The following DUXA variants were observed in gnomAD, a reference collection of about 807,000 sequenced individuals.
DUXA encodes the protein double homeobox A, also known as double homeobox protein A.
In DUXA, 25 loss-of-function variants were observed where a neutral mutation model predicts 27.5. The ratio of observed to expected loss-of-function variants is 0.91; its 90% CI spans 0.66 to 1.27. DUXA has a LOEUF of 1.27. Ranked by LOEUF, DUXA falls within the 50% of genes most tolerant of loss-of-function variation. The probability of loss-of-function intolerance (pLI) is 0.00; values close to 1 mark genes in which losing one functional copy is unlikely to be tolerated. For synonymous variants in DUXA, 90 were observed against 80.5 expected (o/e 1.12, Z -0.63); for missense variants, 247 against 242.9 (o/e 1.02, Z -0.11).
chr19:57,162,627 T>A (rs1382363432), intron 1 of DUXA, among the ~76,000 whole-genome samples: 2 of 152,010 alleles, frequency 1.3e-5, no homozygotes, highest in Admixed American at 1.3e-4. Context: ...CAGGCTGGAG[T>A]GCAATGGTGC....
At chr19:57,160,876 A>C in intron 1 of DUXA, 79 bp from the exon 2 acceptor site, 2 of 1,521,848 alleles carry the variant, frequency 1.3e-6, no homozygotes, top group Non-Finnish European at 1.8e-6. Flanking sequence ...CTAGTCTCTC[A>C]CTTCCTCTTC....
intron 3 of DUXA, 45 bp downstream of exon 3, chr19:57,159,122 C>T (rs770095293): frequency 1.8e-5 from 28 of 1,551,950 alleles, no homozygotes; most frequent in Middle Eastern, 3.7e-4. Context: ...TTGGCTCCGC[C>T]GTAGAGAAGC....
At chr19:57,161,416 G>T (rs902699805) in intron 1 of DUXA, among the ~76,000 whole-genome samples, 57 of 148,474 alleles carry the variant, frequency 3.8e-4, no homozygotes, top group Admixed American at 3.5e-3. Flanking sequence ...AAGGTCAGGA[G>T]ATCGAGACCA....
chr19:57,155,503 G>T, intron 4 of DUXA, 131 bp from the exon 5 acceptor site: 1 of 677,522 alleles, frequency 1.5e-6, no homozygotes, highest in Non-Finnish European at 2.5e-6. Context: ...TGCCACAGCT[G>T]TGCATCATCA....
At chr19:57,164,710 A>G (rs1215733591) in intron 1 of DUXA, among the ~76,000 whole-genome samples, 1 of 152,228 alleles carries the variant, frequency 6.6e-6, no homozygotes, top group Non-Finnish European at 1.5e-5. Context: ...TTATGCTAGC[A>G]ATTCAAATAA....
intron 4 of DUXA, among the ~76,000 whole-genome samples, chr19:57,157,495 T>C (rs915985502): frequency 3.3e-5 from 5 of 151,702 alleles, no homozygotes; most frequent in Non-Finnish European, 7.4e-5. Context: ...CCGTGCCCGG[T>C]TAATTTTTGT....
At chr19:57,161,877 A>T (rs1337275050) in intron 1 of DUXA, among the ~76,000 whole-genome samples, 2 of 151,780 alleles carry the variant, frequency 1.3e-5, no homozygotes, top group African/African-American at 4.8e-5. Context: ...TTTTATTGGC[A>T]TATATTTTAT....
rs890577317 is a variant in DUXA at position 57,159,361 on chromosome 19, C to A, written c.181-83G>T. On this transcript the variant is annotated intron_variant, in intron 2 of 5. Coordinates refer to ENST00000554048, the MANE Select transcript of DUXA (RefSeq NM_001012729.2). ...CTGCCTGTTCCCAAAGTGAGCAATT[C>A]TTATTGGGCCTAGGCCCAGGATTAT... 2.4e-6 allele frequency: 3 copies of A among 1,231,334 alleles called. No homozygotes were observed. The African/African-American group carries it at 4.5e-5, about 18-fold the overall frequency. 76.3% of individuals were successfully genotyped at this position (1,231,334 alleles called of 1,614,324 possible).
chr19:57,154,989 T>C (rs971728407), intron 5 of DUXA, among the ~76,000 whole-genome samples: 2 of 152,348 alleles, frequency 1.3e-5, no homozygotes, highest in African/African-American at 4.8e-5. Flanking sequence ...CAGAAGTGTA[T>C]TGAGCGTTTC....
rs765445205 is a variant in DUXA at position 57,154,390 on chromosome 19, A to G, written c.*22T>C. On this transcript the variant is annotated 3_prime_UTR_variant, in exon 6 of 6. Transcript: ENST00000554048. ...ATTTGGGGTCCAGTTGATATTATCA[A>G]GTACACTGAATTTGACTGTGTTCAC... The G allele has an allele frequency of 1.5e-5, 24 of 1,608,348 alleles. No individual in the cohort carries two copies. The highest frequency in any genetic ancestry group is 2.0e-5 in the Non-Finnish European group (23 of 1,175,190).
At chr19:57,161,437 C>A (rs557030463) in intron 1 of DUXA, among the ~76,000 whole-genome samples, 1 of 148,062 alleles carries the variant, frequency 6.8e-6, no homozygotes, top group Admixed American at 6.7e-5. Flanking sequence ...TCCTGGCTAA[C>A]ATGATGAAAC....
intron 1 of DUXA, among the ~76,000 whole-genome samples, chr19:57,165,322 A>ATATATATATATATATATATGTATATAT (rs1484903570): frequency 1.1e-5 from 1 of 89,106 alleles, no homozygotes; most frequent in Non-Finnish European, 2.4e-5. Flanking sequence ...AAAAAAAAAA[A>ATATATATATATATATATATGTATATAT]AAATATATAT....
At chr19:57,155,667 A>AGATAGATAGATAGATAGAT (rs1488013654) in intron 4 of DUXA, among the ~76,000 whole-genome samples, 1 of 151,656 alleles carries the variant, frequency 6.6e-6, no homozygotes, top group Non-Finnish European at 1.5e-5. Flanking sequence ...ATAGATAGAT[A>AGATAGATAGATAGATAGAT]GATAGATACT....
intron 4 of DUXA, 90 bp from the exon 5 acceptor site, chr19:57,155,462 T>G (rs2086988234): frequency 3.8e-6 from 4 of 1,049,912 alleles, no homozygotes; most frequent in Non-Finnish European, 5.7e-6. Context: ...TTTCTGTTTT[T>G]TGAGACAGCG....
At position 57,158,415 on chromosome 19, in the gene DUXA, G is replaced by T. The variant is rs2087003140; in HGVS notation, c.351C>A (p.Ile117=). Residue 117 remains isoleucine (I), a synonymous_variant, in exon 4 of 6, where the codon ATC becomes ATA. Transcript: ENST00000554048. Reference sequence around the variant, plus strand: ...GATATGGGTTTTTCATAAATGCCTTGATGAGAGTGTGTAACTGAGAGGCGC... The same window carrying T: ...GATATGGGTTTTTCATAAATGCCTTTATGAGAGTGTGTAACTGAGAGGCGC... ...TYSASQLHTL[I]KAFMKNPYPG... is the part of the protein sequence containing the mutation. The T allele has an allele frequency of 2.5e-6, 4 of 1,613,836 alleles. No homozygotes were observed. The African/African-American group carries it at 5.3e-5, about 22-fold the overall frequency.
Position 57,167,456 on chromosome 19 carries a change from T to C in DUXA, c.-13A>G, listed in dbSNP as rs1250436447. On this transcript the variant is annotated 5_prime_UTR_variant, in exon 1 of 6. Transcript: ENST00000554048. ...TGTCTTCGGCCATGCTGGAAGAGAGTCCTGAAGGCTGAGCCACTGTCTGGG... is the reference window on the plus strand; with the variant it reads ...TGTCTTCGGCCATGCTGGAAGAGAGCCCTGAAGGCTGAGCCACTGTCTGGG... 4 of 1,612,918 alleles carry C rather than the reference T, an allele frequency of 2.5e-6. No individual in the cohort carries two copies. The South Asian group carries it at 4.4e-5, about 18-fold the overall frequency.
intron 4 of DUXA, 96 bp from the exon 5 acceptor site, chr19:57,155,468 C>T: frequency 2.0e-6 from 2 of 1,001,836 alleles, no homozygotes; most frequent in South Asian, 1.5e-5. Context: ...TTTTTTGAGA[C>T]AGCGGTCTCT....
rs918150701 is a variant in DUXA, at chr19:57,161,430, T to C, written c.26-633A>G. Among the ~76,000 whole-genome samples the C allele has an allele frequency of 4.8e-4, 72 of 149,038 alleles. 1 individual carries two copies. The highest frequency in any genetic ancestry group is 1.5e-3 in the African/African-American group (58 of 39,856). The stretch of plus-strand genomic sequence containing the variant: ...CAAGGTCAGGAGATCGAGACCATCC[T>C]GGCTAACATGATGAAACCCCGTCTC... On this transcript the variant is annotated intron_variant, in intron 1 of 5. Coordinates refer to ENST00000554048, the MANE Select transcript of DUXA (RefSeq NM_001012729.2).
chr19:57,165,803 CAAA>C lies in DUXA; in HGVS notation c.25+1613_25+1615del, dbSNP rs3082068. ...CTGGGCGAGAGAGTGAGACTCCTCTCAAAAAAAAAAAAAAAAAAGCCAGACCCT... is the reference window on the plus strand; with the variant it reads ...CTGGGCGAGAGAGTGAGACTCCTCTCAAAAAAAAAAAAAAAGCCAGACCCT... On this transcript the variant is annotated intron_variant, in intron 1 of 5. Transcript: ENST00000554048. 5.3e-3 allele frequency among the ~76,000 whole-genome samples: 510 copies of C among 95,826 alleles called. 3 individuals are homozygous for C. The highest frequency in any genetic ancestry group is 7.5e-3 in the Non-Finnish European group (387 of 51,854). 62.9% of individuals were successfully genotyped at this position (95,826 alleles called of 152,430 possible).
Sources: allele counts gnomAD v4.1 joint callset (sites outside exome capture counted in the v4.1 genomes callset), GRCh38; gene constraint gnomAD v4.1.1; transcripts MANE v1.5; gene names NCBI Gene and HGNC (gene_info 2026-07-23, HGNC 2026-07-21).